The following NACC1 variants were observed in gnomAD, a reference collection of about 807,000 sequenced individuals.
NACC1 encodes nucleus accumbens associated 1.
A neutral mutation model predicts 41.7 loss-of-function variants in NACC1; 6 were observed. That is an observed-to-expected ratio of 0.14 (90% CI 0.08 to 0.28). The LOEUF (loss-of-function observed/expected upper bound fraction) is 0.28, where lower values mean the gene tolerates loss of function less well. NACC1 is among the 10% of genes least tolerant of loss of function. NACC1 has a pLI of 1.00. For missense variants in NACC1, 434 were observed against 763.7 expected, an observed-to-expected ratio of 0.57 and a Z score of 5.09; for synonymous variants, 338 against 330.6, an observed-to-expected ratio of 1.02 and a Z score of -0.24.
rs745459411 is a variant in NACC1 at position 13,137,425 on chromosome 19, TC to T, written c.1227-46del. 3.7e-6 allele frequency: 6 copies of T among 1,607,968 alleles called. No homozygotes were observed. In the Admixed American group the frequency reaches 5.0e-5, roughly 13 times the overall value. ...GGGAGGGGGGTGGGGTTTCCCCATG[TC>T]CCCCCCACCACCAACTTGAGCGCTG... On this transcript the variant is annotated intron_variant, in intron 4 of 5. Coordinates refer to ENST00000292431, the MANE Select transcript of NACC1 (RefSeq NM_052876.4). The surrounding 1 kb of genome is among the most constrained non-coding windows in gnomAD (Gnocchi z 6.1).
In NACC1 at chr19:13,140,392, A is replaced by AGCT. The variant is rs1234552486; in HGVS notation, c.*1987_*1988insCTG. ...GGCTCCAGCCAGACCCCTGAAAGGAAGGTGCTCCCCCACTTCCAGGCCTTA... is the reference window on the plus strand; with the variant it reads ...GGCTCCAGCCAGACCCCTGAAAGGAAGCTGGTGCTCCCCCACTTCCAGGCCTTA... On this transcript the variant is annotated 3_prime_UTR_variant, in exon 6 of 6. Transcript: ENST00000292431. This position sits in a 1 kb window ranked among gnomAD's most constrained non-coding sequence, Gnocchi z 4.0. 1.3e-3 allele frequency: 2 copies of AGCT among 1,524 alleles called. No individual in the cohort carries two copies. Among genetic ancestry groups the AGCT allele is most frequent in the African/African-American group, 0.038 (2 of 52 alleles). The allele number at this position is 1,524 out of a possible 1,614,324, so 0.1% of individuals were successfully genotyped here. A position where few individuals can be genotyped will look rare whatever the true frequency, so the allele number is the denominator to read the frequency against.
At chr19:13,121,033 C>A (rs1331295922) in intron 1 of NACC1, among the ~76,000 whole-genome samples, 1 of 152,194 alleles carries the variant, frequency 6.6e-6, no homozygotes, top group Non-Finnish European at 1.5e-5. Flanking sequence ...ACCAAACTTT[C>A]ACAAGCAAAG....
At chr19:13,116,867 T>TC (rs1721550928), upstream of NACC1, 1 of 185,124 alleles carries the variant, frequency 5.4e-6, no homozygotes, top group Non-Finnish European at 1.2e-5. Context: ...TCACAGTGGA[T>TC]CCCCTGGGAG....
At chr19:13,122,531 G>T (rs897363949) in intron 1 of NACC1, among the ~76,000 whole-genome samples, 8 of 150,902 alleles carry the variant, frequency 5.3e-5, no homozygotes, top group South Asian at 2.1e-4. Context: ...GCCGGGGGGG[G>T]GGGGGTGTGC....
At position 13,127,400 on chromosome 19, in the gene NACC1, T is replaced by TTTTTTTTTTTTTTTTC. The variant is rs1245933408; in HGVS notation, c.-8-7800_-8-7799insTTTTTTTTTTTTTTTC. ...TTTTTTTTTTTTTTTTTTTTTTTTT[T>TTTTTTTTTTTTTTTTC]CGGTTAACTGGATGGGCCGGGTGCC... On this transcript the variant is annotated intron_variant, in intron 1 of 5. Coordinates refer to ENST00000292431, the MANE Select transcript of NACC1 (RefSeq NM_052876.4). 6.0e-5 allele frequency among the ~76,000 whole-genome samples: 6 copies of TTTTTTTTTTTTTTTTC among 100,828 alleles called. 1 individual carries two copies. The highest frequency in any genetic ancestry group is 2.3e-4 in the African/African-American group (6 of 25,550). The allele number at this position is 100,828 out of a possible 152,430, so 66.1% of individuals were successfully genotyped here.
At chr19:13,116,961 T>C (rs2145604120), upstream of NACC1, 1 of 163,248 alleles carries the variant, frequency 6.1e-6, no homozygotes, top group East Asian at 1.8e-4. Flanking sequence ...CAACACTTAT[T>C]GGTCCTCTTC....
chr19:13,137,590 A>G lies in NACC1; in HGVS notation c.1324+15A>G, dbSNP rs1214955195. The G allele has an allele frequency of 6.5e-7, 1 of 1,548,058 alleles. No individual in the cohort carries two copies. The highest frequency in any genetic ancestry group is 8.7e-7 in the Non-Finnish European group (1 of 1,145,846). On this transcript the variant is annotated intron_variant, in intron 5 of 5. Transcript: ENST00000292431. This position sits in a 1 kb window ranked among gnomAD's most constrained non-coding sequence, Gnocchi z 6.1. ...CGCTGTCAAGTGTGAGTGTTGGCCCAGCTGGACGAGGCGTGGGCCCGGGGC... is the reference window on the plus strand; with the variant it reads ...CGCTGTCAAGTGTGAGTGTTGGCCCGGCTGGACGAGGCGTGGGCCCGGGGC...
Position 13,139,492 on chromosome 19 carries a change from A to T in NACC1, c.*1086A>T, listed in dbSNP as rs1321517502. ...GTTGGGGGGCTGGGGGGCAGGCTGA[A>T]TGTGTGTGTGTGGGTGTGTATGTGT... On this transcript the variant is annotated 3_prime_UTR_variant, in exon 6 of 6. Coordinates refer to ENST00000292431, the MANE Select transcript of NACC1 (RefSeq NM_052876.4). 2.0e-5 allele frequency: 3 copies of T among 151,994 alleles called. No homozygotes were observed. The highest frequency in any genetic ancestry group is 2.0e-4 in the Admixed American group (3 of 15,240). The allele number at this position is 151,994 out of a possible 1,614,324, so 9.4% of individuals were successfully genotyped here.
In NACC1 at chr19:13,137,260, C is replaced by T. The variant is rs367710907; in HGVS notation, c.1121-11C>T. The T allele has an allele frequency of 2.6e-5, 42 of 1,611,804 alleles. No individual in the cohort carries two copies. Among genetic ancestry groups the T allele is most frequent in the Non-Finnish European group, 3.5e-5 (41 of 1,179,102 alleles). ...GGCACCCCAGGCCATCCTCCGGCTTCCTCTCACCAGGCACCAACGTGTACA... is the reference window on the plus strand; with the variant it reads ...GGCACCCCAGGCCATCCTCCGGCTTTCTCTCACCAGGCACCAACGTGTACA... On this transcript the variant is annotated splice_polypyrimidine_tract_variant and intron_variant, in intron 3 of 5. Transcript: ENST00000292431. The surrounding 1 kb of genome is among the most constrained non-coding windows in gnomAD (Gnocchi z 6.1).
chr19:13,133,276 T>C (rs1270604702), intron 1 of NACC1, among the ~76,000 whole-genome samples: 1 of 151,818 alleles, frequency 6.6e-6, no homozygotes, highest in Non-Finnish European at 1.5e-5. Flanking sequence ...CCCTATAGAA[T>C]TACAGAGGAG....
In NACC1 at chr19:13,137,347, G is replaced by T; in HGVS notation, c.1197G>T (p.Leu399=). 1 of 1,613,860 alleles carries T rather than the reference G, an allele frequency of 6.2e-7. No homozygotes were observed. The highest frequency in any genetic ancestry group is 8.5e-7 in the Non-Finnish European group (1 of 1,179,950). ...VSAGTRHKVL[L]RRLLASFFDR... Reference sequence around the variant, plus strand: ...CAGGCACGCGGCACAAGGTCCTACTGCGGCGGCTCCTGGCCTCCTTCTTTG... The same window carrying T: ...CAGGCACGCGGCACAAGGTCCTACTTCGGCGGCTCCTGGCCTCCTTCTTTG... The change falls in exon 4 of 6, where the codon CTG becomes CTT. Residue 399 remains leucine (L), a synonymous_variant. Transcript: ENST00000292431. This position sits in a 1 kb window ranked among gnomAD's most constrained non-coding sequence, Gnocchi z 6.1.
intron 1 of NACC1, among the ~76,000 whole-genome samples, chr19:13,127,434 C>T (rs555814342): frequency 4.1e-4 from 55 of 134,054 alleles, no homozygotes; most frequent in African/African-American, 1.3e-3. Context: ...CCGTGGCTCA[C>T]GCCTGTAATC....
chr19:13,129,663 A>G (rs977210089), intron 1 of NACC1, among the ~76,000 whole-genome samples: 36 of 152,256 alleles, frequency 2.4e-4, no homozygotes, highest in African/African-American at 8.7e-4. Context: ...TGGCTGAGCT[A>G]TTTGGACCAA....
chr19:13,121,086 G>A (rs1246197998), intron 1 of NACC1, among the ~76,000 whole-genome samples: 4 of 151,998 alleles, frequency 2.6e-5, no homozygotes, highest in Admixed American at 2.6e-4. Flanking sequence ...CAAAGATGGT[G>A]TAGCAAAGTG....
chr19:13,138,077 G>A lies in NACC1; in HGVS notation c.1325-70G>A. 2 of 1,579,166 alleles carry A rather than the reference G, an allele frequency of 1.3e-6. No individual in the cohort carries two copies. Among genetic ancestry groups the A allele is most frequent in the Non-Finnish European group, 1.7e-6 (2 of 1,160,678 alleles). ...AGAGGGAGTCGCAGATGCTGTAGGG[G>A]AGCTGGTGAGTAGGCCTTGTGGGAG... On this transcript the variant is annotated intron_variant, in intron 5 of 5. Transcript: ENST00000292431. The surrounding 1 kb of genome is among the most constrained non-coding windows in gnomAD (Gnocchi z 5.7).
intron 1 of NACC1, chr19:13,132,279 G>C (rs1204228196): frequency 6.6e-6 from 1 of 152,042 alleles, no homozygotes; most frequent in African/African-American, 2.4e-5. Context: ...AGCCGGACAT[G>C]GTGGCACACG....
rs1450406696 is a variant in NACC1, at chr19:13,137,485, C to T, written c.1234C>T (p.Leu412=). Residue 412 remains leucine, a synonymous_variant, in exon 5 of 6, where the codon CTG becomes TTG. Coordinates refer to ENST00000292431, the MANE Select transcript of NACC1 (RefSeq NM_052876.4). The surrounding 1 kb of genome is among the most constrained non-coding windows in gnomAD (Gnocchi z 6.1). ...LLASFFDRNT[L]ANSCGTGIRS... ...CATGTCCCCTGCCCCCAGGAACACG[C>T]TGGCCAACAGCTGCGGCACCGGCAT... The T allele has an allele frequency of 6.2e-7, 1 of 1,605,284 alleles. No homozygotes were observed. Among genetic ancestry groups the T allele is most frequent in the Non-Finnish European group, 8.5e-7 (1 of 1,175,842 alleles).
At chr19:13,134,847 G>T (rs933981610) in intron 1 of NACC1, among the ~76,000 whole-genome samples, 4 of 152,218 alleles carry the variant, frequency 2.6e-5, no homozygotes, top group African/African-American at 9.7e-5. Flanking sequence ...GGCACTCAGA[G>T]GTAGCACACT....
intron 1 of NACC1, among the ~76,000 whole-genome samples, chr19:13,126,669 C>T (rs1477713616): frequency 6.6e-6 from 1 of 152,188 alleles, no homozygotes; most frequent in African/African-American, 2.4e-5. Flanking sequence ...CCCCTGACTG[C>T]TGGCTACCCA....
Sources: allele counts gnomAD v4.1 joint callset (sites outside exome capture counted in the v4.1 genomes callset), GRCh38; gene constraint gnomAD v4.1.1; non-coding constraint Gnocchi (gnomAD v3.1); transcripts MANE v1.5; gene names NCBI Gene and HGNC (gene_info 2026-07-23, HGNC 2026-07-21).